LHX1: variants seen among roughly 807,000 people sequenced by gnomAD.
LHX1 encodes the protein LIM/homeobox protein Lhx1.
In LHX1, 9 loss-of-function variants were observed where a neutral mutation model predicts 34.1. That is an observed-to-expected ratio of 0.26 (90% CI 0.16 to 0.46). LHX1 has a LOEUF of 0.46. Ranked by LOEUF, LHX1 falls within the 20% of genes least tolerant of loss-of-function variation. The pLI is 1.00. For synonymous variants in LHX1, 254 were observed against 241.5 expected, an observed-to-expected ratio of 1.05 and a Z score of -0.48; for missense variants, 446 against 559.1, an observed-to-expected ratio of 0.80 and a Z score of 2.04.
chr17:36,940,265 G>GCCCCCC (rs764010633), intron 1 of LHX1, 25 bp from the exon 2 acceptor site: 1 of 328,474 alleles, frequency 3.0e-6, no homozygotes, highest in Non-Finnish European at 5.5e-6. Flanking sequence ...CCCCGCCCCC[G>GCCCCCC]CCCCCCACCC....
upstream of LHX1, chr17:36,936,916 C>A: frequency 4.6e-6 from 1 of 215,650 alleles, no homozygotes; most frequent in Admixed American, 6.3e-5. Flanking sequence ...CGGGCGGCGA[C>A]AGCGGCGGTC....
rs2070739174 is a variant in LHX1, at chr17:36,937,954, C to G, written c.-244C>G. On this transcript the variant is annotated 5_prime_UTR_variant, in exon 1 of 5. Transcript: ENST00000614239. ...CCCCGGGAGCTCAGGCGGCGCCGCT[C>G]CAGCCCGGGGCCCCGGGACTCCCCG... 3.3e-6 allele frequency: 2 copies of G among 602,582 alleles called. No individual in the cohort carries two copies. The highest frequency in any genetic ancestry group is 5.9e-6 in the Non-Finnish European group (2 of 336,794). The allele number at this position is 602,582 out of a possible 1,614,324, so 37.3% of individuals were successfully genotyped here.
At position 36,943,661 on chromosome 17, in the gene LHX1, G is replaced by C. The variant is rs576693333; in HGVS notation, c.*530G>C. The C allele has an allele frequency of 2.0e-5, 3 of 152,562 alleles. No individual in the cohort carries two copies. In the South Asian group the frequency reaches 6.2e-4, roughly 32 times the overall value. The allele number at this position is 152,562 out of a possible 1,614,324, so 9.5% of individuals were successfully genotyped here. ...ACAACAGCGACAAAAAACTCTTATA[G>C]CTTCAGAAACGCCGACCTGCCGTGC... On this transcript the variant is annotated 3_prime_UTR_variant, in exon 5 of 5. Transcript: ENST00000614239.
At position 36,938,160 on chromosome 17, in the gene LHX1, T is replaced by G; in HGVS notation, c.-38T>G. 1 of 1,450,702 alleles carries G rather than the reference T, an allele frequency of 6.9e-7. No homozygotes were observed. Among genetic ancestry groups the G allele is most frequent in the Non-Finnish European group, 9.5e-7 (1 of 1,047,850 alleles). The allele number at this position is 1,450,702 out of a possible 1,614,324, so 89.9% of individuals were successfully genotyped here. On this transcript the variant is annotated 5_prime_UTR_variant, in exon 1 of 5. Transcript: ENST00000614239. ...CATCCCCTGGGCTCTACTTTGCCCC[T>G]CTCTCTCTCTGGGCCTCATCAGACC... is the stretch of plus-strand genomic sequence containing the variant.
chr17:36,938,007 C>CA lies in LHX1; in HGVS notation c.-190dup. On this transcript the variant is annotated 5_prime_UTR_variant, in exon 1 of 5. Coordinates refer to ENST00000614239, the MANE Select transcript of LHX1 (RefSeq NM_005568.5). ...TGCACACTTCACTGAGACGCCCCCC[C>CA]AGGCCCCGATCAGCCTCGTTTCCTC... 1.6e-6 allele frequency: 1 copy of CA among 630,408 alleles called. No homozygotes were observed. Among genetic ancestry groups the CA allele is most frequent in the Non-Finnish European group, 2.8e-6 (1 of 357,800 alleles). The allele number at this position is 630,408 out of a possible 1,614,324, so 39.1% of individuals were successfully genotyped here. A position where few individuals can be genotyped will look rare whatever the true frequency, so the allele number is the denominator to read the frequency against.
At chr17:36,941,767 GTATCA>G (rs1448626012) in intron 3 of LHX1, among the ~76,000 whole-genome samples, 28 of 152,342 alleles carry the variant, frequency 1.8e-4, no homozygotes, top group African/African-American at 6.0e-4. Context: ...GTAGGTTTTG[GTATCA>G]TAGGCTGTTT....
intron 3 of LHX1, 106 bp from the exon 4 acceptor site, chr17:36,942,094 C>A (rs1321356629): frequency 7.6e-6 from 9 of 1,189,250 alleles, no homozygotes; most frequent in Non-Finnish European, 1.1e-5. Flanking sequence ...AGCGCGCGCG[C>A]GCGGTGTCGG....
upstream of LHX1, chr17:36,937,319 G>T (rs576706792): frequency 2.0e-5 from 8 of 399,446 alleles, no homozygotes; most frequent in African/African-American, 6.4e-5. Flanking sequence ...CACGGAGGCC[G>T]CCAGGCAGGC....
At chr17:36,936,899 C>G (rs1218724468), upstream of LHX1, 2 of 115,966 alleles carry the variant, frequency 1.7e-5, no homozygotes, top group Non-Finnish European at 3.8e-5. Flanking sequence ...AGCAACGAGC[C>G]GCGGCCCGGG....
At chr17:36,942,070 T>A in intron 3 of LHX1, 130 bp from the exon 4 acceptor site, 1 of 863,722 alleles carries the variant, frequency 1.2e-6, no homozygotes, top group Non-Finnish European at 1.8e-6. Context: ...ACCACTACCC[T>A]ACACACACAC....
At chr17:36,942,654 C>T (rs146331094) in intron 4 of LHX1, 98 bp from the exon 5 acceptor site, 1 of 1,308,488 alleles carries the variant, frequency 7.6e-7, no homozygotes, top group African/African-American at 1.5e-5. Flanking sequence ...CCCCGCGCGG[C>T]CTTCCTCAGC....
At chr17:36,937,367 G>T, upstream of LHX1, 1 of 340,210 alleles carries the variant, frequency 2.9e-6, no homozygotes, top group Non-Finnish European at 5.8e-6. Flanking sequence ...GGTAGGGAAG[G>T]AGCGAGTGCG....
chr17:36,940,559 G>A (rs200304874), intron 2 of LHX1, 43 bp downstream of exon 2: 1 of 1,613,650 alleles, frequency 6.2e-7, no homozygotes. Context: ...AGCGGGTCCT[G>A]GGGGAGGAAG....
chr17:36,941,205 C>T (rs545123811), intron 3 of LHX1: 2 of 636,660 alleles, frequency 3.1e-6, no homozygotes, highest in Admixed American at 2.1e-5. Context: ...ACATACCCCA[C>T]CCCACCTCGG....
In LHX1 at chr17:36,942,342, A is replaced by G. The variant is rs371297528; in HGVS notation, c.818A>G (p.Asn273Ser). 42 of 1,588,842 alleles carry G rather than the reference A, an allele frequency of 2.6e-5. No homozygotes were observed. In the African/African-American group the frequency reaches 4.0e-4, roughly 15 times the overall value. ...CTGGAGCCGGGCGAGCTCATCCCCAATGGTCCCTTCTCCTTCTACGGAGGT... is the reference window on the plus strand; with the variant it reads ...CTGGAGCCGGGCGAGCTCATCCCCAGTGGTCCCTTCTCCTTCTACGGAGGT... Reference protein sequence around the residue: ...DRLEPGELIPNGPFSFYGDYQ... With the variant: ...DRLEPGELIPSGPFSFYGDYQ... Residue 273 changes from asparagine to serine, a missense_variant, in exon 4 of 5, where the codon AAT becomes AGT. By Grantham distance (46) the Asn-to-Ser change is conservative. Around this residue, in one of 3 missense-constraint regions of LHX1, gnomAD observed 235 missense variants for 224.4 expected, o/e 1.05. Coordinates refer to ENST00000614239, the MANE Select transcript of LHX1 (RefSeq NM_005568.5).
chr17:36,940,351 A>C lies in LHX1; in HGVS notation c.232A>C (p.Arg78=), dbSNP rs750660466. 49 of 1,530,182 alleles carry C rather than the reference A, an allele frequency of 3.2e-5. No individual in the cohort carries two copies. The highest frequency in any genetic ancestry group is 4.2e-5 in the Non-Finnish European group (48 of 1,130,176). 94.8% of individuals were successfully genotyped at this position (1,530,182 alleles called of 1,614,324 possible). ...CATCTCCCCTAGCGACCTGGTGCGGAGAGCGCGGAGCAAAGTGTTTCACCT... is the reference window on the plus strand; with the variant it reads ...CATCTCCCCTAGCGACCTGGTGCGGCGAGCGCGGAGCAAAGTGTTTCACCT... The part of the protein sequence containing the change: ...QGISPSDLVR[R]ARSKVFHLNC... Residue 78 remains arginine, a synonymous_variant, in exon 2 of 5, where the codon AGA becomes CGA. Transcript: ENST00000614239.
chr17:36,942,509 G>A (rs1365743313), intron 4 of LHX1, 144 bp downstream of exon 4: 1 of 985,516 alleles, frequency 1.0e-6, no homozygotes, highest in South Asian at 1.7e-5. Context: ...AGTAAATCAA[G>A]GGGAGGCGGC....
At position 36,940,987 on chromosome 17, in the gene LHX1, A is replaced by T. The variant is rs759367879; in HGVS notation, c.675+100A>T. 7 of 1,520,778 alleles carry T rather than the reference A, an allele frequency of 4.6e-6. No homozygotes were observed. The South Asian group carries it at 8.4e-5, about 18-fold the overall frequency. The allele number at this position is 1,520,778 out of a possible 1,614,324, so 94.2% of individuals were successfully genotyped here. On this transcript the variant is annotated intron_variant, in intron 3 of 4. Coordinates refer to ENST00000614239, the MANE Select transcript of LHX1 (RefSeq NM_005568.5). ...AGCCCAGAATCCAGAGAGAAGTGAGAGATGGAGTCCAGAGGTGGGGTGCCT... is the reference window on the plus strand; with the variant it reads ...AGCCCAGAATCCAGAGAGAAGTGAGTGATGGAGTCCAGAGGTGGGGTGCCT...
chr17:36,937,292 G>T (rs990136083), upstream of LHX1: 2 of 437,600 alleles, frequency 4.6e-6, no homozygotes, highest in Admixed American at 4.9e-5. Context: ...CGGGCGCAGG[G>T]AGGGTCGCCC....
Sources: gnomAD v4.1 joint callset for allele counts (sites outside exome capture counted in the v4.1 genomes callset) on GRCh38, gnomAD v4.1.1 for gene constraint, gnomAD v4.1.1 regional missense constraint, MANE v1.5 for transcripts, NCBI Gene and HGNC (gene_info 2026-07-23, HGNC 2026-07-21) for gene names.